DNAH10: variants seen among roughly 807,000 people sequenced by gnomAD.
The protein encoded by DNAH10 is axonemal beta dynein heavy chain 10.
Under a neutral mutation model 506.6 loss-of-function variants are expected in DNAH10, and 348 were observed. The observed-to-expected ratio is 0.69, with a 90% CI of 0.63 to 0.75. The LOEUF is 0.75. Ranked by LOEUF, DNAH10 falls within the 30% of genes least tolerant of loss-of-function variation. The pLI is 0.00. For synonymous variants in DNAH10, 2,059 were observed against 2,198.6 expected (o/e 0.94, Z 1.78); for missense variants, 5,179 against 5,787.1 (o/e 0.89, Z 3.41).
intron 36 of DNAH10, among the ~76,000 whole-genome samples, chr12:123,856,251 TAATTTTATATTTCATTTTA>T (rs1404052867): frequency 6.7e-6 from 1 of 148,394 alleles, no homozygotes; most frequent in Non-Finnish European, 1.5e-5. Flanking sequence ...AATTTATATA[TAATTTTATATTTCATTTTA>T]AATTTTATAT....
At chr12:123,878,404 T>A (rs1344820402) in intron 48 of DNAH10, among the ~76,000 whole-genome samples, 1 of 152,192 alleles carries the variant, frequency 6.6e-6, no homozygotes, top group Non-Finnish European at 1.5e-5. Flanking sequence ...TTATGTGGAT[T>A]CATATTATGA....
chr12:123,839,215 T>TAAAAAAAA (rs575224560), intron 29 of DNAH10, among the ~76,000 whole-genome samples: 3 of 126,806 alleles, frequency 2.4e-5, no homozygotes, highest in Non-Finnish European at 3.4e-5. Flanking sequence ...TTTTATAAAC[T>TAAAAAAAA]AAAAAAAAAA....
chr12:123,871,149 C>T (rs536448131), intron 44 of DNAH10, among the ~76,000 whole-genome samples: 4 of 152,132 alleles, frequency 2.6e-5, no homozygotes, highest in South Asian at 2.1e-4. Flanking sequence ...AGTTAAATCC[C>T]GCAGGGGTCT....
Position 123,850,278 on chromosome 12 carries a change from A to G in DNAH10, c.6103-610A>G, listed in dbSNP as rs1951106481. Among the ~76,000 whole-genome samples, 1 of 151,986 alleles carries G rather than the reference A, an allele frequency of 6.6e-6. No homozygotes were observed. Among genetic ancestry groups the G allele is most frequent in the East Asian group, 1.9e-4 (1 of 5,178 alleles). On this transcript the variant is annotated intron_variant, in intron 34 of 78. Coordinates refer to ENST00000673944, the MANE Select transcript of DNAH10 (RefSeq NM_001372106.1). The surrounding 1 kb of genome is among the most constrained non-coding windows in gnomAD (Gnocchi z 5.5). ...ACGACCGGACTCAACCTTCAGCTAA[A>G]AAGGCTAAGAATATAGGGATTTCCG...
intron 52 of DNAH10, 73 bp downstream of exon 52, chr12:123,887,386 G>A (rs1952783972): frequency 7.3e-6 from 11 of 1,513,308 alleles, no homozygotes; most frequent in Middle Eastern, 2.1e-4. Flanking sequence ...TTCTTCAGCA[G>A]TTACCACCTC....
rs937227368 is a variant in DNAH10 at position 123,926,409 on chromosome 12, C to T, written c.11922-228C>T. The stretch of plus-strand genomic sequence containing the variant: ...CCAGCTCAGCACAAACCAACTGAAT[C>T]GAGTGTGAGGGGGTACAGAGAAGTC... On this transcript the variant is annotated intron_variant, in intron 68 of 78. Transcript: ENST00000673944. The surrounding 1 kb of genome is among the most constrained non-coding windows in gnomAD (Gnocchi z 4.1). 2 of 506,130 alleles carry T rather than the reference C, an allele frequency of 4.0e-6. No homozygotes were observed. Among genetic ancestry groups the T allele is most frequent in the African/African-American group, 2.0e-5 (1 of 50,612 alleles). The allele number at this position is 506,130 out of a possible 1,614,324, so 31.4% of individuals were successfully genotyped here.
intron 36 of DNAH10, among the ~76,000 whole-genome samples, chr12:123,855,104 G>A (rs371088135): frequency 1.8e-4 from 28 of 152,286 alleles, no homozygotes; most frequent in East Asian, 3.9e-4. Context: ...TGGAGAAGGC[G>A]GGGAACTGCA....
chr12:123,842,475 G>A (rs1950808088), intron 30 of DNAH10, among the ~76,000 whole-genome samples: 1 of 152,138 alleles, frequency 6.6e-6, no homozygotes, highest in Non-Finnish European at 1.5e-5. Context: ...TATTTGGCAG[G>A]GCCTTCGTGC....
intron 1 of DNAH10, among the ~76,000 whole-genome samples, chr12:123,764,237 A>G (rs535633611): frequency 6.6e-6 from 1 of 152,310 alleles, no homozygotes; most frequent in South Asian, 2.1e-4. Context: ...ATCCAAAACC[A>G]TAAATAAACA....
chr12:123,929,594 T>C, intron 71 of DNAH10, 70 bp from the exon 72 acceptor site: 1 of 1,575,430 alleles, frequency 6.3e-7, no homozygotes, highest in South Asian at 1.2e-5. Context: ...AGCAGCCTTT[T>C]CAGAAAAGTA....
chr12:123,833,591 C>T (rs1447202239), intron 27 of DNAH10, among the ~76,000 whole-genome samples: 3 of 152,102 alleles, frequency 2.0e-5, no homozygotes, highest in Non-Finnish European at 4.4e-5. Context: ...GCTTCTTTTT[C>T]ATATATCTCT....
chr12:123,841,570 A>G, intron 30 of DNAH10, 25 bp downstream of exon 30: 1 of 1,598,864 alleles, frequency 6.3e-7, no homozygotes, highest in Non-Finnish European at 8.6e-7. Context: ...GTGGACATGC[A>G]TTGCTCTATC....
intron 18 of DNAH10, among the ~76,000 whole-genome samples, chr12:123,806,978 C>T (rs1958700857): frequency 6.6e-6 from 1 of 152,162 alleles, no homozygotes; most frequent in Non-Finnish European, 1.5e-5. Flanking sequence ...CTGTGTTAGC[C>T]AGGATGGTTT....
At chr12:123,908,699 A>C (rs933784084) in intron 57 of DNAH10, 2 of 387,744 alleles carry the variant, frequency 5.2e-6, no homozygotes, top group Non-Finnish European at 1.0e-5. Context: ...ATCTAGTCTT[A>C]TCAAAGCCAC....
chr12:123,780,833 C>A (rs541438826), intron 5 of DNAH10, among the ~76,000 whole-genome samples: 1 of 150,138 alleles, frequency 6.7e-6, no homozygotes, highest in African/African-American at 2.5e-5. Flanking sequence ...CCTGTAATCC[C>A]AGCCACTTGG....
intron 64 of DNAH10, 116 bp from the exon 65 acceptor site, chr12:123,918,560 G>A: frequency 7.7e-7 from 1 of 1,305,376 alleles, no homozygotes; most frequent in Non-Finnish European, 1.0e-6. Context: ...GCAGTCCCTG[G>A]ATACTTTCAA....
Position 123,873,453 on chromosome 12 carries a change from A to C in DNAH10, c.7786-105A>C, listed in dbSNP as rs999012359. On this transcript the variant is annotated intron_variant, in intron 45 of 78. Transcript: ENST00000673944. Reference sequence around the variant, plus strand: ...CACTGGGTTATTAAAAAGTTAGTTCAGAGGCCAATGGATTTGCAAAATAGT... The same window carrying C: ...CACTGGGTTATTAAAAAGTTAGTTCCGAGGCCAATGGATTTGCAAAATAGT... 15 of 1,358,794 alleles carry C rather than the reference A, an allele frequency of 1.1e-5. No individual in the cohort carries two copies. The African/African-American group carries it at 2.0e-4, about 19-fold the overall frequency. 84.2% of individuals were successfully genotyped at this position (1,358,794 alleles called of 1,614,324 possible).
intron 57 of DNAH10, among the ~76,000 whole-genome samples, chr12:123,905,889 T>G (rs1953750762): frequency 1.3e-5 from 2 of 152,174 alleles, no homozygotes; most frequent in African/African-American, 4.8e-5. Flanking sequence ...ATGTTTATTT[T>G]TATGTGGCAG....
At chr12:123,932,480 A>ATT (rs11372935) in intron 76 of DNAH10, 8,500 of 153,306 alleles carry the variant, frequency 0.055, 689 homozygotes, top group African/African-American at 0.18. Flanking sequence ...GGTGGTTACC[A>ATT]TTTTTTTTTT....
Sources: gnomAD v4.1 joint callset for allele counts (sites outside exome capture counted in the v4.1 genomes callset) on GRCh38, gnomAD v4.1.1 for gene constraint, Gnocchi (gnomAD v3.1) non-coding constraint, MANE v1.5 for transcripts, NCBI Gene and HGNC (gene_info 2026-07-23, HGNC 2026-07-21) for gene names.